The following TOM1L1 variants were observed in gnomAD, a reference collection of about 807,000 sequenced individuals.
TOM1L1 encodes the protein TOM1-like protein 1.
TOM1L1 carries 64 observed loss-of-function variants against 63.4 expected under a neutral mutation model. The observed-to-expected ratio is 1.01, with a 90% CI of 0.83 to 1.24. The LOEUF (loss-of-function observed/expected upper bound fraction) is 1.24, where lower values mean the gene tolerates loss of function less well. TOM1L1 is among the 50% of genes most tolerant of loss of function. The probability of loss-of-function intolerance (pLI) is 0.00; values close to 1 mark genes in which losing one functional copy is unlikely to be tolerated. For synonymous variants in TOM1L1, 166 were observed against 194.4 expected (o/e 0.85, Z 1.22); for missense variants, 536 against 567.0 (o/e 0.95, Z 0.55).
rs774060611 is a variant in TOM1L1 at position 54,938,935 on chromosome 17, C to G, written c.1045C>G (p.Pro349Ala). The G allele has an allele frequency of 3.1e-6, 5 of 1,607,948 alleles. No homozygotes were observed. Among genetic ancestry groups the G allele is most frequent in the Middle Eastern group, 1.6e-4 (1 of 6,074 alleles). Residue 349 changes from proline (P) to alanine (A), a missense_variant, in exon 11 of 16, where the codon CCA becomes GCA. Physicochemically the swap from Pro to Ala is conservative, Grantham distance 27. Transcript: ENST00000575882. Reference sequence around the variant, plus strand: ...ATTTTGTGTTTTAGATTTCAGCCTTCCAAGTTCTGATGTAACAAACAACTT... The same window carrying G: ...ATTTTGTGTTTTAGATTTCAGCCTTGCAAGTTCTGATGTAACAAACAACTT... ...NQLSGLNFSL[P>A]SSDVTNNLKP...
chr17:54,957,599 G>A (rs147297237), intron 14 of TOM1L1: 2 of 152,258 alleles, frequency 1.3e-5, no homozygotes, highest in African/African-American at 2.4e-5. Context: ...CTTTCTGGGG[G>A]TCAGAATGTC....
At chr17:54,942,169 C>G (rs1414115683) in intron 11 of TOM1L1, 2 of 151,994 alleles carry the variant, frequency 1.3e-5, no homozygotes, top group African/African-American at 4.8e-5. Context: ...CGATTTTGGC[C>G]AACTGCAACC....
At chr17:54,912,604 T>G in intron 3 of TOM1L1, 62 bp from the exon 4 acceptor site, 1 of 1,395,938 alleles carries the variant, frequency 7.2e-7, no homozygotes, top group Non-Finnish European at 9.5e-7. Flanking sequence ...AGTTTTTCCC[T>G]TACATTTTTA....
At chr17:54,928,654 A>G (rs758133067) in intron 7 of TOM1L1, among the ~76,000 whole-genome samples, 34 of 152,172 alleles carry the variant, frequency 2.2e-4, no homozygotes, top group Non-Finnish European at 4.7e-4. Context: ...TGGCCCACAA[A>G]GCAGAAAATG....
chr17:54,902,225 GTTTTC>G (rs1255250040), intron 1 of TOM1L1, among the ~76,000 whole-genome samples: 1 of 152,164 alleles, frequency 6.6e-6, no homozygotes. Context: ...GTGAATAGGA[GTTTTC>G]TTTTCTAGGG....
chr17:54,904,967 T>A (rs982470612), intron 2 of TOM1L1, among the ~76,000 whole-genome samples: 120 of 152,344 alleles, frequency 7.9e-4, no homozygotes, highest in African/African-American at 2.8e-3. Context: ...TAATACCAAT[T>A]CATTGATAAT....
chr17:54,928,739 G>T (rs757651948), intron 7 of TOM1L1, among the ~76,000 whole-genome samples: 9 of 152,120 alleles, frequency 5.9e-5, no homozygotes, highest in Non-Finnish European at 1.0e-4. Flanking sequence ...CCCTGTGGTT[G>T]GCAAATAGGA....
chr17:54,959,768 C>T (rs1318863344), intron 14 of TOM1L1, among the ~76,000 whole-genome samples: 2 of 151,976 alleles, frequency 1.3e-5, no homozygotes, highest in African/African-American at 4.8e-5. Flanking sequence ...CAGGTGTGTA[C>T]CACCACACAT....
At chr17:54,950,958 G>C (rs1315551905) in intron 14 of TOM1L1, among the ~76,000 whole-genome samples, 4 of 152,120 alleles carry the variant, frequency 2.6e-5, no homozygotes, top group Admixed American at 1.3e-4. Flanking sequence ...TTCTACAATG[G>C]ACACCAGCTG....
At chr17:54,954,519 G>A (rs976971951) in intron 14 of TOM1L1, 5 of 149,550 alleles carry the variant, frequency 3.3e-5, no homozygotes, top group Non-Finnish European at 7.5e-5. Context: ...TGGCTCTGCA[G>A]AGTTTGGAGG....
At chr17:54,924,612 C>T (rs2048738786) in intron 7 of TOM1L1, among the ~76,000 whole-genome samples, 1 of 152,212 alleles carries the variant, frequency 6.6e-6, no homozygotes, top group Non-Finnish European at 1.5e-5. Context: ...ATTCACCTGG[C>T]ACTCACAGTG....
chr17:54,956,802 T>C (rs1329513119), intron 14 of TOM1L1: 1 of 152,124 alleles, frequency 6.6e-6, no homozygotes, highest in Admixed American at 6.6e-5. Flanking sequence ...GCACCGGGCA[T>C]AGTCTCCAAA....
chr17:54,919,686 A>C (rs2048649009), intron 7 of TOM1L1, among the ~76,000 whole-genome samples: 1 of 152,220 alleles, frequency 6.6e-6, no homozygotes, highest in South Asian at 2.1e-4. Context: ...GCAGGGGATC[A>C]ACTTGTTTAT....
chr17:54,904,247 G>A (rs981753456), intron 2 of TOM1L1, among the ~76,000 whole-genome samples: 2 of 152,006 alleles, frequency 1.3e-5, no homozygotes, highest in African/African-American at 2.4e-5. Flanking sequence ...GCGGGTGCCT[G>A]TAGTACCAGC....
chr17:54,950,348 G>A (rs773172776), intron 14 of TOM1L1, among the ~76,000 whole-genome samples: 11 of 152,176 alleles, frequency 7.2e-5, no homozygotes, highest in Non-Finnish European at 1.3e-4. Flanking sequence ...TGCATGTTAA[G>A]AAATAACTGG....
Position 54,931,958 on chromosome 17 carries a change from TTGTTTG to T in TOM1L1, c.854+1754_854+1759del, listed in dbSNP as rs1404427044. Among the ~76,000 whole-genome samples, 319 of 79,534 alleles carry T rather than the reference TTGTTTG, an allele frequency of 4.0e-3. 7 individuals are homozygous for T. In the South Asian group the frequency reaches 0.064, roughly 16 times the overall value. 52.2% of individuals were successfully genotyped at this position (79,534 alleles called of 152,430 possible). On this transcript the variant is annotated intron_variant, in intron 8 of 15. Transcript: ENST00000575882. ...TTTTTCTTTTTTCTTCGTTTTTTTTTTGTTTGTTTGTTTGTTTGTTTTTTTGAGATG... is the reference window on the plus strand; with the variant it reads ...TTTTTCTTTTTTCTTCGTTTTTTTTTTTTGTTTGTTTGTTTTTTTGAGATG...
chr17:54,949,269 T>C (rs1255247178), intron 12 of TOM1L1, among the ~76,000 whole-genome samples: 1 of 147,864 alleles, frequency 6.8e-6, no homozygotes, highest in Admixed American at 6.9e-5. Flanking sequence ...ACTCCTGGGC[T>C]CAAGTAATCC....
At chr17:54,926,219 A>G (rs548788808) in intron 7 of TOM1L1, among the ~76,000 whole-genome samples, 1 of 152,312 alleles carries the variant, frequency 6.6e-6, no homozygotes, top group South Asian at 2.1e-4. Context: ...TGAACTTTTC[A>G]TTAGGGATGA....
intron 11 of TOM1L1, among the ~76,000 whole-genome samples, chr17:54,945,672 A>G (rs1567839467): frequency 7.5e-6 from 1 of 133,132 alleles, no homozygotes; most frequent in Non-Finnish European, 1.6e-5. Flanking sequence ...CATTCTGTTA[A>G]GTTTTTTTTT....
Sources: allele counts gnomAD v4.1 joint callset (sites outside exome capture counted in the v4.1 genomes callset), GRCh38; gene constraint gnomAD v4.1.1; transcripts MANE v1.5; gene names NCBI Gene and HGNC (gene_info 2026-07-23, HGNC 2026-07-21).